RAB8B: variants seen among roughly 807,000 people sequenced by gnomAD.
The protein encoded by RAB8B is RAB8B, member RAS oncogene family, also known as ras-related protein Rab-8B.
A neutral mutation model predicts 32.0 loss-of-function variants in RAB8B; 11 were observed. That is an observed-to-expected ratio of 0.34 (90% confidence interval 0.22 to 0.57). The LOEUF (loss-of-function observed/expected upper bound fraction) is 0.57, where lower values mean the gene tolerates loss of function less well. Ranked by LOEUF, RAB8B falls within the 20% of genes least tolerant of loss-of-function variation. The pLI is 0.86. For synonymous variants in RAB8B, 103 were observed against 89.6 expected, an observed-to-expected ratio of 1.15 and a Z score of -0.85; for missense variants, 190 against 258.5, an observed-to-expected ratio of 0.73 and a Z score of 1.82.
chr15:63,257,574 G>T (rs2038168077), intron 5 of RAB8B, among the ~76,000 whole-genome samples: 1 of 151,974 alleles, frequency 6.6e-6, no homozygotes, highest in South Asian at 2.1e-4. Flanking sequence ...GCCACATTTT[G>T]TTTTTCAATC....
intron 1 of RAB8B, among the ~76,000 whole-genome samples, chr15:63,223,531 T>TATTTGGTACATGGTACAAAC (rs2037862717): frequency 6.6e-6 from 1 of 152,250 alleles, no homozygotes. Context: ...AGTAGCATAC[T>TATTTGGTACATGGTACAAAC]ATATAAGTTT....
At chr15:63,217,984 C>T (rs1206298262) in intron 1 of RAB8B, among the ~76,000 whole-genome samples, 1 of 152,136 alleles carries the variant, frequency 6.6e-6, no homozygotes, top group African/African-American at 2.4e-5. Context: ...AGCGAAGCTG[C>T]CATTTTCTGA....
At chr15:63,237,677 G>T (rs923633070) in intron 1 of RAB8B, among the ~76,000 whole-genome samples, 45 of 152,034 alleles carry the variant, frequency 3.0e-4, no homozygotes, top group African/African-American at 1.0e-3. Flanking sequence ...TTCCCATTCT[G>T]TGTGTTGTCT....
chr15:63,232,297 C>T (rs1464873201), intron 1 of RAB8B, among the ~76,000 whole-genome samples: 1 of 152,082 alleles, frequency 6.6e-6, no homozygotes, highest in African/African-American at 2.4e-5. Flanking sequence ...TATATTTTAA[C>T]CTTACAAATT....
At chr15:63,196,337 C>T (rs2037599943) in intron 1 of RAB8B, among the ~76,000 whole-genome samples, 1 of 152,072 alleles carries the variant, frequency 6.6e-6, no homozygotes, top group Non-Finnish European at 1.5e-5. Flanking sequence ...CATGAAAAAG[C>T]CTTAAATTAT....
chr15:63,197,370 C>CTTTTTTTTTT lies in RAB8B; in HGVS notation c.124+7634_124+7643dup, dbSNP rs58765418. 2.8e-3 allele frequency among the ~76,000 whole-genome samples: 174 copies of CTTTTTTTTTT among 61,406 alleles called. 1 individual carries two copies. The highest frequency in any genetic ancestry group is 4.8e-3 in the East Asian group (8 of 1,670). The allele number at this position is 61,406 out of a possible 152,430, so 40.3% of individuals were successfully genotyped here. A position where few individuals can be genotyped will look rare whatever the true frequency, so the allele number is the denominator to read the frequency against. On this transcript the variant is annotated intron_variant, in intron 1 of 7. Coordinates refer to ENST00000321437, the MANE Select transcript of RAB8B (RefSeq NM_016530.3). ...TTTTCTTTCTTTCTTTCTTTCTTTT[C>CTTTTTTTTTT]TTTTTTTTTTTTTTTTTTTTTAAGA...
At position 63,266,125 on chromosome 15, in the gene RAB8B, C is replaced by T. The variant is rs1458508481; in HGVS notation, c.*2506C>T. 6.6e-6 allele frequency: 1 copy of T among 152,500 alleles called. No homozygotes were observed. Among genetic ancestry groups the T allele is most frequent in the Non-Finnish European group, 1.5e-5 (1 of 67,970 alleles). 9.4% of individuals were successfully genotyped at this position (152,500 alleles called of 1,614,324 possible). A position where few individuals can be genotyped will look rare whatever the true frequency, so the allele number is the denominator to read the frequency against. ...GATAATTGTCTGTTCCCCGCTGAAA[C>T]TGAAGAAATCTAGTTTTTTTGTGAA... On this transcript the variant is annotated 3_prime_UTR_variant, in exon 8 of 8. Coordinates refer to ENST00000321437, the MANE Select transcript of RAB8B (RefSeq NM_016530.3).
At chr15:63,253,698 G>A (rs1000104970) in intron 3 of RAB8B, among the ~76,000 whole-genome samples, 2 of 152,100 alleles carry the variant, frequency 1.3e-5, no homozygotes, top group African/African-American at 4.8e-5. Flanking sequence ...ATTAATCAGG[G>A]AAATCAATTA....
In RAB8B at chr15:63,259,103, A is replaced by G. The variant is rs1330821675; in HGVS notation, c.415-524A>G. 6.6e-6 allele frequency among the ~76,000 whole-genome samples: 1 copy of G among 151,892 alleles called. No homozygotes were observed. Among genetic ancestry groups the G allele is most frequent in the Non-Finnish European group, 1.5e-5 (1 of 67,972 alleles). ...AAACAGAAAAAAAGAGAAGTACTTAAATTATTATTATTATTTTATTTATTT... is the reference window on the plus strand; with the variant it reads ...AAACAGAAAAAAAGAGAAGTACTTAGATTATTATTATTATTTTATTTATTT... On this transcript the variant is annotated intron_variant, in intron 5 of 7. Transcript: ENST00000321437. The surrounding 1 kb of genome is among the most constrained non-coding windows in gnomAD (Gnocchi z 4.4).
intron 1 of RAB8B, among the ~76,000 whole-genome samples, chr15:63,214,319 T>A (rs1256127574): frequency 8.1e-6 from 1 of 123,386 alleles, no homozygotes; most frequent in East Asian, 3.1e-4. Flanking sequence ...TGAGACGGAG[T>A]CTCACTCTGC....
At chr15:63,260,617 T>C (rs1367862163) in intron 6 of RAB8B, among the ~76,000 whole-genome samples, 2 of 152,042 alleles carry the variant, frequency 1.3e-5, no homozygotes, top group African/African-American at 4.8e-5. Flanking sequence ...AAAACCACCA[T>C]GGCACGTGTA....
Position 63,200,669 on chromosome 15 carries a change from G to A in RAB8B, c.124+10921G>A, listed in dbSNP as rs567234303. On this transcript the variant is annotated intron_variant, in intron 1 of 7. Coordinates refer to ENST00000321437, the MANE Select transcript of RAB8B (RefSeq NM_016530.3). ...AAGACAAAAAAAAAAAAAACCTCAT[G>A]GTGAGATAGGTGAAAAATAGTCTAA... Among the ~76,000 whole-genome samples, 4 of 152,008 alleles carry A rather than the reference G, an allele frequency of 2.6e-5. 1 individual carries two copies. Among genetic ancestry groups the A allele is most frequent in the Admixed American group, 2.0e-4 (3 of 15,280 alleles).
intron 1 of RAB8B, among the ~76,000 whole-genome samples, chr15:63,218,256 T>C (rs1482232492): frequency 6.6e-6 from 1 of 152,232 alleles, no homozygotes; most frequent in Non-Finnish European, 1.5e-5. Flanking sequence ...CCTCTTACGT[T>C]AAATGGGGAT....
Position 63,263,528 on chromosome 15 carries a change from A to G in RAB8B, c.533A>G (p.Asn178Ser). The G allele has an allele frequency of 6.2e-7, 1 of 1,607,374 alleles. No homozygotes were observed. The highest frequency in any genetic ancestry group is 8.5e-7 in the Non-Finnish European group (1 of 1,173,994). Residue 178 changes from asparagine to serine, a missense_variant and splice_region_variant, in exon 8 of 8, where the codon AAT becomes AGT. This residue lies in a region of RAB8B where 110 missense variants were observed against 115.9 expected (regional missense o/e 0.95). Coordinates refer to ENST00000321437, the MANE Select transcript of RAB8B (RefSeq NM_016530.3). Reference sequence around the variant, plus strand: ...GTAACTTCATCTTCTATTTTTTAGAATGACAGCAATTCAGCAGGAGCAGGT... The same window carrying G: ...GTAACTTCATCTTCTATTTTTTAGAGTGACAGCAATTCAGCAGGAGCAGGT... ...DIMTKLNRKM[N>S]DSNSAGAGGP...
intron 1 of RAB8B, among the ~76,000 whole-genome samples, chr15:63,191,195 A>G (rs1044579331): frequency 6.6e-6 from 1 of 152,190 alleles, no homozygotes; most frequent in Non-Finnish European, 1.5e-5. Flanking sequence ...TTCTTACAGC[A>G]TATTTCACCA....
At chr15:63,199,828 G>A (rs7162890) in intron 1 of RAB8B, among the ~76,000 whole-genome samples, 64,914 of 151,802 alleles carry the variant, frequency 0.43, 14,993 homozygotes, top group Non-Finnish European at 0.52. Flanking sequence ...TGATCTGCCC[G>A]CCTCAACCTC....
chr15:63,262,605 C>CG, intron 6 of RAB8B, 87 bp from the exon 7 acceptor site: 2 of 425,758 alleles, frequency 4.7e-6, no homozygotes, highest in South Asian at 7.4e-5. Context: ...ATCTCTGAGG[C>CG]GGGGGGAATA....
chr15:63,249,209 C>G (rs1992620), intron 2 of RAB8B, among the ~76,000 whole-genome samples: 1 of 151,774 alleles, frequency 6.6e-6, no homozygotes, highest in Non-Finnish European at 1.5e-5. Context: ...AAGTCCAGCT[C>G]GATTGCTTGC....
chr15:63,246,469 C>T (rs1384145024), intron 2 of RAB8B, among the ~76,000 whole-genome samples: 5 of 137,816 alleles, frequency 3.6e-5, no homozygotes, highest in African/African-American at 1.8e-4. Context: ...TTATGTTTAC[C>T]CATTTATTAT....
Sources: allele counts gnomAD v4.1 joint callset (sites outside exome capture counted in the v4.1 genomes callset), GRCh38; gene constraint gnomAD v4.1.1; regional missense constraint gnomAD v4.1.1; non-coding constraint Gnocchi (gnomAD v3.1); transcripts MANE v1.5; gene names NCBI Gene and HGNC (gene_info 2026-07-23, HGNC 2026-07-21).